Variants in SH3GL2 observed in about 807,000 individuals in gnomAD.
SH3GL2 encodes the protein endophilin-A1.
SH3GL2 carries 24 observed loss-of-function variants against 46.0 expected under a neutral mutation model. The observed-to-expected ratio is 0.52, with a 90% CI of 0.38 to 0.73. The LOEUF is 0.73. SH3GL2 is among the 30% of genes least tolerant of loss of function. SH3GL2 has a pLI of 0.00. For missense variants in SH3GL2, 413 were observed against 424.2 expected (o/e 0.97, Z 0.23); for synonymous variants, 196 against 147.1 (o/e 1.33, Z -2.40).
chr9:17,731,742 A>C (rs1009420560), intron 1 of SH3GL2, among the ~76,000 whole-genome samples: 2 of 152,126 alleles, frequency 1.3e-5, no homozygotes, highest in Non-Finnish European at 1.5e-5. Context: ...GTTTAGTCCA[A>C]AGGGGCTTGC....
At chr9:17,581,970 G>A (rs914169735) in intron 1 of SH3GL2, among the ~76,000 whole-genome samples, 3 of 152,084 alleles carry the variant, frequency 2.0e-5, no homozygotes, top group Admixed American at 6.6e-5. Context: ...CTGAGCCCCC[G>A]CACCTGGCCT....
intron 1 of SH3GL2, among the ~76,000 whole-genome samples, chr9:17,619,110 A>T (rs994926941): frequency 6.6e-6 from 1 of 152,164 alleles, no homozygotes; most frequent in Non-Finnish European, 1.5e-5. Flanking sequence ...TAATCTTACG[A>T]ATCCCATTAT....
At chr9:17,663,883 A>G (rs556637684) in intron 1 of SH3GL2, among the ~76,000 whole-genome samples, 10 of 152,354 alleles carry the variant, frequency 6.6e-5, no homozygotes, top group Admixed American at 1.3e-4. Flanking sequence ...AAGACTTGTC[A>G]CTTCATGAAC....
At chr9:17,678,865 C>T (rs1259284216) in intron 1 of SH3GL2, among the ~76,000 whole-genome samples, 1 of 152,050 alleles carries the variant, frequency 6.6e-6, no homozygotes, top group Non-Finnish European at 1.5e-5. Flanking sequence ...GCCAGTTTTC[C>T]CAGCACCATT....
At chr9:17,771,861 C>A (rs1823489794) in intron 3 of SH3GL2, among the ~76,000 whole-genome samples, 1 of 151,872 alleles carries the variant, frequency 6.6e-6, no homozygotes, top group Admixed American at 6.6e-5. Context: ...TTGAGAGTAG[C>A]ACGATCCAGT....
At position 17,737,057 on chromosome 9, in the gene SH3GL2, A is replaced by G. The variant is rs142356957; in HGVS notation, c.46-10009A>G. 1.2e-3 allele frequency among the ~76,000 whole-genome samples: 187 copies of G among 152,294 alleles called. 3 individuals are homozygous for G. Among genetic ancestry groups the G allele is most frequent in the African/African-American group, 3.9e-3 (160 of 41,558 alleles). ...ATGAGTTCATGTCCTTTGCGGGGACATAGCCGAAGCTGGAAACCATCATTC... is the reference window on the plus strand; with the variant it reads ...ATGAGTTCATGTCCTTTGCGGGGACGTAGCCGAAGCTGGAAACCATCATTC... On this transcript the variant is annotated intron_variant, in intron 1 of 8. Coordinates refer to ENST00000380607, the MANE Select transcript of SH3GL2 (RefSeq NM_003026.5).
intron 1 of SH3GL2, among the ~76,000 whole-genome samples, chr9:17,685,036 G>A (rs963436908): frequency 3.3e-5 from 5 of 152,038 alleles, no homozygotes; most frequent in African/African-American, 1.2e-4. Context: ...CTAATACATG[G>A]TATAGCTTTG....
chr9:17,632,313 A>G (rs559152173), intron 1 of SH3GL2, among the ~76,000 whole-genome samples: 3 of 152,272 alleles, frequency 2.0e-5, no homozygotes, highest in East Asian at 3.9e-4. Context: ...TAACACAACT[A>G]TTTTTAGTTT....
intron 1 of SH3GL2, among the ~76,000 whole-genome samples, chr9:17,641,548 G>A (rs536790834): frequency 6.6e-6 from 1 of 152,096 alleles, no homozygotes; most frequent in South Asian, 2.1e-4. Flanking sequence ...CCATCAACCC[G>A]TCATCTACAT....
chr9:17,713,745 C>T lies in SH3GL2; in HGVS notation c.46-33321C>T, dbSNP rs543786018. Among the ~76,000 whole-genome samples the T allele has an allele frequency of 5.3e-5, 8 of 151,712 alleles. No homozygotes were observed. The South Asian group carries it at 1.5e-3, about 28-fold the overall frequency. On this transcript the variant is annotated intron_variant, in intron 1 of 8. Coordinates refer to ENST00000380607, the MANE Select transcript of SH3GL2 (RefSeq NM_003026.5). ...AATTCCATTGTGGTTAGAGAAAATA[C>T]GTTATAGAACTTGAATCCTTTTAAA...
At chr9:17,586,251 A>G (rs1056355222) in intron 1 of SH3GL2, among the ~76,000 whole-genome samples, 1 of 152,208 alleles carries the variant, frequency 6.6e-6, no homozygotes, top group African/African-American at 2.4e-5. Context: ...AATTGTATAT[A>G]GTAGTAATGA....
At chr9:17,787,539 G>T (rs745756336) in intron 5 of SH3GL2, 26 bp downstream of exon 5, 2 of 1,601,606 alleles carry the variant, frequency 1.2e-6, no homozygotes, top group Admixed American at 1.7e-5. Flanking sequence ...CTTCTGGAAA[G>T]TGGGCAGTTG....
chr9:17,688,878 G>C (rs760811870), intron 1 of SH3GL2, among the ~76,000 whole-genome samples: 2 of 152,188 alleles, frequency 1.3e-5, no homozygotes, highest in South Asian at 4.1e-4. Flanking sequence ...TTCCTGTGCA[G>C]AGGAATTGCA....
chr9:17,645,676 C>T (rs1489739162), intron 1 of SH3GL2, among the ~76,000 whole-genome samples: 3 of 152,072 alleles, frequency 2.0e-5, no homozygotes, highest in African/African-American at 7.2e-5. Flanking sequence ...AAATTCTTGT[C>T]TTTAAGAATG....
intron 1 of SH3GL2, among the ~76,000 whole-genome samples, chr9:17,672,284 C>G (rs750338878): frequency 1.3e-5 from 2 of 152,084 alleles, no homozygotes; most frequent in African/African-American, 4.8e-5. Flanking sequence ...TTCCAGGCAA[C>G]CAAACACACA....
chr9:17,689,633 G>C (rs902053031), intron 1 of SH3GL2, among the ~76,000 whole-genome samples: 1 of 151,880 alleles, frequency 6.6e-6, no homozygotes, highest in Non-Finnish European at 1.5e-5. Context: ...ACTCTGGCCT[G>C]GTTGCTGTCC....
At chr9:17,639,476 C>T (rs950093512) in intron 1 of SH3GL2, among the ~76,000 whole-genome samples, 6 of 152,082 alleles carry the variant, frequency 3.9e-5, no homozygotes, top group African/African-American at 1.2e-4. Flanking sequence ...AGCCACAATG[C>T]GATACAACTG....
chr9:17,643,349 C>G (rs897886578), intron 1 of SH3GL2, among the ~76,000 whole-genome samples: 2 of 152,158 alleles, frequency 1.3e-5, no homozygotes, highest in Non-Finnish European at 2.9e-5. Context: ...AGTTTGAGTT[C>G]TTCTCTTCCT....
chr9:17,686,284 A>C (rs955480710), intron 1 of SH3GL2, among the ~76,000 whole-genome samples: 1 of 133,058 alleles, frequency 7.5e-6, no homozygotes, highest in African/African-American at 3.0e-5. Context: ...AAAAGTCAGG[A>C]AACAACAGGT....
Sources: gnomAD v4.1 joint callset for allele counts (sites outside exome capture counted in the v4.1 genomes callset) on GRCh38, gnomAD v4.1.1 for gene constraint, MANE v1.5 for transcripts, NCBI Gene and HGNC (gene_info 2026-07-23, HGNC 2026-07-21) for gene names.